Variants in AGBL1 observed in about 807,000 individuals in gnomAD.
AGBL1 encodes the protein cytosolic carboxypeptidase 4.
AGBL1 carries 130 observed loss-of-function variants against 118.9 expected under a neutral mutation model. The ratio of observed to expected loss-of-function variants is 1.09; its 90% CI spans 0.95 to 1.26. The LOEUF (loss-of-function observed/expected upper bound fraction) is 1.26. Ranked by LOEUF, AGBL1 falls within the 50% of genes most tolerant of loss-of-function variation. The pLI is 0.00. For synonymous variants in AGBL1, 555 were observed against 478.9 expected (o/e 1.16, Z -2.08); for missense variants, 1,584 against 1,298.1 (o/e 1.22, Z -3.38).
chr15:86,770,954 CTGAG>C (rs1269971941), intron 22 of AGBL1, among the ~76,000 whole-genome samples: 2 of 152,042 alleles, frequency 1.3e-5, no homozygotes, highest in African/African-American at 2.4e-5. Flanking sequence ...GGCCATGTGA[CTGAG>C]TGCAGTCCTG....
chr15:86,410,958 G>A (rs1353371116), intron 18 of AGBL1, among the ~76,000 whole-genome samples: 2 of 111,364 alleles, frequency 1.8e-5, no homozygotes, highest in Non-Finnish European at 3.7e-5. Context: ...TATAGAGAGA[G>A]ATCTTGTTAA....
chr15:86,486,976 C>T (rs994385789), intron 18 of AGBL1, among the ~76,000 whole-genome samples: 23 of 152,040 alleles, frequency 1.5e-4, no homozygotes, highest in African/African-American at 3.6e-4. Flanking sequence ...CCGCTGGATG[C>T]TTATCCTCTT....
intron 22 of AGBL1, among the ~76,000 whole-genome samples, chr15:86,750,140 C>T (rs1026511377): frequency 6.6e-6 from 1 of 151,920 alleles, no homozygotes; most frequent in Non-Finnish European, 1.5e-5. Context: ...TCAGGATTCC[C>T]TGCAGAAAAG....
At chr15:86,680,452 C>T (rs1190937957) in intron 22 of AGBL1, among the ~76,000 whole-genome samples, 4 of 151,940 alleles carry the variant, frequency 2.6e-5, no homozygotes, top group Non-Finnish European at 5.9e-5. Flanking sequence ...ACAATGTAGA[C>T]GTGGCCAAAT....
At chr15:86,641,475 A>T (rs1415586227) in intron 21 of AGBL1, among the ~76,000 whole-genome samples, 1 of 151,956 alleles carries the variant, frequency 6.6e-6, no homozygotes, top group African/African-American at 2.4e-5. Flanking sequence ...TAGTCACACA[A>T]TTCTCCTTTA....
At chr15:87,008,944 T>C (rs2081531152) in intron 24 of AGBL1, among the ~76,000 whole-genome samples, 1 of 152,074 alleles carries the variant, frequency 6.6e-6, no homozygotes, top group Non-Finnish European at 1.5e-5. Context: ...AAGCATTCAG[T>C]TTTAAAAGGG....
chr15:86,755,444 T>C (rs1161368730), intron 22 of AGBL1, among the ~76,000 whole-genome samples: 1 of 152,104 alleles, frequency 6.6e-6, no homozygotes, highest in Admixed American at 6.6e-5. Context: ...CAGCTAAAGT[T>C]AAAATGCCAG....
chr15:86,400,372 T>C (rs1236908265), intron 18 of AGBL1, among the ~76,000 whole-genome samples: 1 of 152,130 alleles, frequency 6.6e-6, no homozygotes, highest in Non-Finnish European at 1.5e-5. Flanking sequence ...ATGGTATTTT[T>C]TTCGATGTTC....
At chr15:86,975,092 C>G in intron 23 of AGBL1, among the ~76,000 whole-genome samples, 1 of 151,876 alleles carries the variant, frequency 6.6e-6, no homozygotes, top group Non-Finnish European at 1.5e-5. Context: ...CTTTCTGGAG[C>G]TTTTTTGAGA....
At chr15:86,291,978 C>T (rs926216734) in intron 16 of AGBL1, among the ~76,000 whole-genome samples, 3 of 152,138 alleles carry the variant, frequency 2.0e-5, no homozygotes, top group Admixed American at 6.6e-5. Flanking sequence ...AATTCCTTTA[C>T]TTAGTGTTGT....
rs556149995 is a variant in AGBL1 at position 86,083,415 on chromosome 15, C to T, written c.51+3392C>T. 21 of 152,326 alleles carry T rather than the reference C, an allele frequency of 1.4e-4. No individual in the cohort carries two copies. The East Asian group carries it at 2.9e-3, about 21-fold the overall frequency. The allele number at this position is 152,326 out of a possible 1,614,324, so 9.4% of individuals were successfully genotyped here. On this transcript the variant is annotated intron_variant, in intron 1 of 22. Transcript: ENST00000614907. ...TCGGTCAGCTTTGGCACACTCTGCA[C>T]TGTGATATGGGCACATTTTTGCCAT...
chr15:86,830,437 C>T (rs749305236), intron 22 of AGBL1, among the ~76,000 whole-genome samples: 69 of 152,232 alleles, frequency 4.5e-4, no homozygotes, highest in Non-Finnish European at 5.7e-4. Flanking sequence ...GCATCTACCA[C>T]CAAGGAGGCT....
At chr15:86,790,468 C>T (rs1195857624) in intron 22 of AGBL1, among the ~76,000 whole-genome samples, 1 of 152,122 alleles carries the variant, frequency 6.6e-6, no homozygotes, top group African/African-American at 2.4e-5. Flanking sequence ...GGTGTTTGAG[C>T]TTCCTCAGAG....
intron 21 of AGBL1, among the ~76,000 whole-genome samples, chr15:86,587,011 A>G (rs2084258533): frequency 6.6e-6 from 1 of 152,152 alleles, no homozygotes; most frequent in Non-Finnish European, 1.5e-5. Context: ...ATGAGGAAGT[A>G]AAAAGGTCAG....
chr15:86,566,167 A>G (rs1027322454), intron 21 of AGBL1, among the ~76,000 whole-genome samples: 2 of 152,132 alleles, frequency 1.3e-5, no homozygotes, highest in African/African-American at 4.8e-5. Flanking sequence ...CCCCAGTGAG[A>G]TGAACCCGGT....
At chr15:86,482,357 T>C (rs1167010304) in intron 18 of AGBL1, among the ~76,000 whole-genome samples, 1 of 152,150 alleles carries the variant, frequency 6.6e-6, no homozygotes, top group African/African-American at 2.4e-5. Flanking sequence ...AGCATGGAGA[T>C]GGATGGCCTC....
intron 22 of AGBL1, among the ~76,000 whole-genome samples, chr15:86,770,297 C>T (rs2078158569): frequency 6.6e-6 from 1 of 151,858 alleles, no homozygotes. Flanking sequence ...GTGCAGTGGT[C>T]CCTCCATGGG....
At chr15:86,119,250 C>T (rs914052750) in intron 1 of AGBL1, among the ~76,000 whole-genome samples, 6 of 152,130 alleles carry the variant, frequency 3.9e-5, no homozygotes, top group Admixed American at 1.3e-4. Flanking sequence ...AAAGGTTTCT[C>T]ATCAGACACT....
At chr15:86,436,288 G>A (rs1567258386) in intron 18 of AGBL1, among the ~76,000 whole-genome samples, 1 of 151,834 alleles carries the variant, frequency 6.6e-6, no homozygotes, top group African/African-American at 2.4e-5. Flanking sequence ...CTAGAGTCAG[G>A]TGGGGGAGAA....
Sources: allele counts gnomAD v4.1 joint callset (sites outside exome capture counted in the v4.1 genomes callset), GRCh38; gene constraint gnomAD v4.1.1; transcripts MANE v1.5; gene names NCBI Gene and HGNC (gene_info 2026-07-23, HGNC 2026-07-21).